Variants in MEF2C observed in about 807,000 individuals in gnomAD.
MEF2C encodes myocyte-specific enhancer factor 2C.
In MEF2C, 6 loss-of-function variants were observed where a neutral mutation model predicts 50.5. That is an observed-to-expected ratio of 0.12 (90% CI 0.07 to 0.23). The LOEUF (loss-of-function observed/expected upper bound fraction) is 0.23, where lower values mean the gene tolerates loss of function less well. Ranked by LOEUF, MEF2C falls within the 10% of genes least tolerant of loss-of-function variation. MEF2C has a pLI of 1.00. For synonymous variants in MEF2C, 183 were observed against 228.0 expected, an observed-to-expected ratio of 0.80 and a Z score of 1.78; for missense variants, 276 against 605.0, an observed-to-expected ratio of 0.46 and a Z score of 5.70.
chr5:88,850,912 G>A (rs1334980426), intron 1 of MEF2C, among the ~76,000 whole-genome samples: 2 of 151,606 alleles, frequency 1.3e-5, no homozygotes, highest in Non-Finnish European at 2.9e-5. Context: ...TCAATGTAAA[G>A]ATGAGGATGA....
chr5:88,858,366 G>A (rs1238800842), intron 1 of MEF2C, among the ~76,000 whole-genome samples: 1 of 152,158 alleles, frequency 6.6e-6, no homozygotes, highest in African/African-American at 2.4e-5. Context: ...AAAGAAGCAA[G>A]ACTCCATAGA....
Position 88,728,738 on chromosome 5 carries a change from A to T in MEF2C, c.965-110T>A, listed in dbSNP as rs1760037803. On this transcript the variant is annotated intron_variant, in intron 9 of 10. Transcript: ENST00000504921. The stretch of plus-strand genomic sequence containing the variant: ...AAAATATTCTATTAGGATTATCGTT[A>T]TTATAGATATTTTTAATTTTGAGGG... 1.4e-5 allele frequency: 11 copies of T among 789,418 alleles called. No individual in the cohort carries two copies. The South Asian group carries it at 5.5e-4, about 40-fold the overall frequency. 48.9% of individuals were successfully genotyped at this position (789,418 alleles called of 1,614,324 possible).
chr5:88,869,252 C>CAA (rs1828403099), intron 1 of MEF2C, among the ~76,000 whole-genome samples: 3 of 89,996 alleles, frequency 3.3e-5, no homozygotes, highest in African/African-American at 1.3e-4. Context: ...AACTAGTTTT[C>CAA]ATATATATAT....
chr5:88,805,823 CTTTTTTTT>C (rs869224140), intron 2 of MEF2C, among the ~76,000 whole-genome samples: 9 of 61,554 alleles, frequency 1.5e-4, no homozygotes, highest in East Asian at 5.9e-4. Context: ...CGTGAACATT[CTTTTTTTT>C]TTTTTTTTTT....
intron 5 of MEF2C, among the ~76,000 whole-genome samples, chr5:88,750,765 G>T (rs187446838): frequency 6.6e-6 from 1 of 152,218 alleles, no homozygotes; most frequent in Admixed American, 6.5e-5. Flanking sequence ...TTATTTGGAT[G>T]AATTTAACTG....
At chr5:88,742,771 T>A in intron 6 of MEF2C, 2 of 985,354 alleles carry the variant, frequency 2.0e-6, no homozygotes, top group South Asian at 9.4e-5. Flanking sequence ...CCCTAGAGAA[T>A]GGTATCAAGG....
At chr5:88,786,175 A>G (rs137930972) in intron 3 of MEF2C, among the ~76,000 whole-genome samples, 6 of 152,350 alleles carry the variant, frequency 3.9e-5, no homozygotes, top group African/African-American at 1.4e-4. Flanking sequence ...ATTGTGAAGC[A>G]GCCTTCAACC....
chr5:88,829,704 G>A (rs1000351865), intron 1 of MEF2C, among the ~76,000 whole-genome samples: 1 of 151,970 alleles, frequency 6.6e-6, no homozygotes, highest in Non-Finnish European at 1.5e-5. Context: ...TAGAATAATT[G>A]ATACTGAGAA....
At chr5:88,810,788 G>A (rs1581072046) in intron 2 of MEF2C, among the ~76,000 whole-genome samples, 1 of 151,996 alleles carries the variant, frequency 6.6e-6, no homozygotes, top group East Asian at 1.9e-4. Flanking sequence ...GGTTTAGATG[G>A]GTATATAGGA....
chr5:88,898,588 A>G (rs2150311387), intron 1 of MEF2C, among the ~76,000 whole-genome samples: 2 of 152,296 alleles, frequency 1.3e-5, no homozygotes, highest in South Asian at 4.1e-4. Context: ...TTGTGACCTC[A>G]GTAATCACCT....
At position 88,797,873 on chromosome 5, in the gene MEF2C, G is replaced by A. The variant is rs774984276; in HGVS notation, c.258+6725C>T. 3.0e-4 allele frequency among the ~76,000 whole-genome samples: 45 copies of A among 152,166 alleles called. 1 individual carries two copies. The highest frequency in any genetic ancestry group is 1.8e-4 in the Non-Finnish European group (12 of 68,014). Reference sequence around the variant, plus strand: ...AAAATCTCTCAGTATTCGCTTGTCTGTAAAGGATTTTATTTCTCCTTCACT... The same window carrying A: ...AAAATCTCTCAGTATTCGCTTGTCTATAAAGGATTTTATTTCTCCTTCACT... On this transcript the variant is annotated intron_variant, in intron 3 of 10. Transcript: ENST00000504921.
At chr5:88,722,952 C>T in intron 10 of MEF2C, 27 bp from the exon 11 acceptor site, 1 of 1,543,342 alleles carries the variant, frequency 6.5e-7, no homozygotes, top group Non-Finnish European at 8.8e-7. Flanking sequence ...AACCCAGTTA[C>T]AGATGAAGGA....
chr5:88,781,054 T>C (rs898689740), intron 3 of MEF2C, among the ~76,000 whole-genome samples: 2 of 152,178 alleles, frequency 1.3e-5, no homozygotes, highest in Non-Finnish European at 2.9e-5. Flanking sequence ...CTGGACTTAA[T>C]AGAATTACTT....
intron 1 of MEF2C, among the ~76,000 whole-genome samples, chr5:88,895,711 T>A (rs1467936905): frequency 6.6e-6 from 1 of 152,140 alleles, no homozygotes; most frequent in Non-Finnish European, 1.5e-5. Context: ...CAGCAGCAAT[T>A]TTTACAATCA....
intron 3 of MEF2C, among the ~76,000 whole-genome samples, chr5:88,777,950 G>A (rs1002778091): frequency 2.9e-5 from 4 of 139,744 alleles, no homozygotes; most frequent in Non-Finnish European, 6.1e-5. Flanking sequence ...TGTCACCCAG[G>A]CTGGAGTGCT....
At chr5:88,768,303 G>A (rs189344362) in intron 3 of MEF2C, among the ~76,000 whole-genome samples, 2 of 152,270 alleles carry the variant, frequency 1.3e-5, no homozygotes, top group East Asian at 3.9e-4. Flanking sequence ...AATGCTAGAT[G>A]AATGAATGGA....
intron 1 of MEF2C, among the ~76,000 whole-genome samples, chr5:88,828,298 T>G (rs969190833): frequency 6.6e-6 from 1 of 151,992 alleles, no homozygotes; most frequent in Non-Finnish European, 1.5e-5. Context: ...TTGCAAAGCA[T>G]GTATTTTTCT....
At chr5:88,756,688 A>G (rs1373987722) in intron 4 of MEF2C, among the ~76,000 whole-genome samples, 1 of 152,180 alleles carries the variant, frequency 6.6e-6, no homozygotes, top group Non-Finnish European at 1.5e-5. Flanking sequence ...GGGAATGCAA[A>G]TGCTATAATC....
At chr5:88,885,968 T>A (rs1189093740), upstream of MEF2C, among the ~76,000 whole-genome samples, 1 of 152,172 alleles carries the variant, frequency 6.6e-6, no homozygotes, top group African/African-American at 2.4e-5. Context: ...ATAATACCCA[T>A]TATAACAAAC....
Sources: allele counts gnomAD v4.1 joint callset (sites outside exome capture counted in the v4.1 genomes callset), GRCh38; gene constraint gnomAD v4.1.1; transcripts MANE v1.5; gene names NCBI Gene and HGNC (gene_info 2026-07-23, HGNC 2026-07-21).